BDP1: variants seen among roughly 807,000 people sequenced by gnomAD.
BDP1 encodes the protein BDP1 general transcription factor IIIB subunit.
Under a neutral mutation model 266.6 loss-of-function variants are expected in BDP1, and 169 were observed. The ratio of observed to expected loss-of-function variants is 0.63; its 90% CI spans 0.56 to 0.72. BDP1 has a LOEUF of 0.72. Ranked by LOEUF, BDP1 falls within the 30% of genes least tolerant of loss-of-function variation. The pLI is 0.00. For missense variants in BDP1, 3,015 were observed against 3,053.8 expected, an observed-to-expected ratio of 0.99 and a Z score of 0.30; for synonymous variants, 1,090 against 1,022.4, an observed-to-expected ratio of 1.07 and a Z score of -1.26.
chr5:71,553,331 T>C lies in BDP1; in HGVS notation c.7200+11T>C. On this transcript the variant is annotated intron_variant, in intron 35 of 38. Coordinates refer to ENST00000358731, the MANE Select transcript of BDP1 (RefSeq NM_018429.3). ...GAATATACCACTGAGGTAAGTGGTA[T>C]ATTAAGTACCACTCAATATGGCCAT... 1 of 1,589,682 alleles carries C rather than the reference T, an allele frequency of 6.3e-7. No homozygotes were observed. The highest frequency in any genetic ancestry group is 1.1e-5 in the South Asian group (1 of 90,082).
At chr5:71,573,228 A>C in the BDP1 span, among the ~76,000 whole-genome samples, 1 of 95,062 alleles carries the variant, frequency 1.1e-5, no homozygotes, top group Non-Finnish European at 2.2e-5. Flanking sequence ...ACTCTGTTTC[A>C]AAAAAAAAAA....
Position 71,567,635 on chromosome 5 carries a change from G to C in BDP1, c.*2750G>C, listed in dbSNP as rs1359129669. 2 of 152,538 alleles carry C rather than the reference G, an allele frequency of 1.3e-5. No homozygotes were observed. Among genetic ancestry groups the C allele is most frequent in the African/African-American group, 4.8e-5 (2 of 41,436 alleles). 9.4% of individuals were successfully genotyped at this position (152,538 alleles called of 1,614,324 possible). A position where few individuals can be genotyped will look rare whatever the true frequency, so the allele number is the denominator to read the frequency against. Reference sequence around the variant, plus strand: ...AATTGTTGGTAAATGGTTGAGGCATGACAAAAATATTAATATCCACTGTTT... The same window carrying C: ...AATTGTTGGTAAATGGTTGAGGCATCACAAAAATATTAATATCCACTGTTT... On this transcript the variant is annotated 3_prime_UTR_variant, in exon 39 of 39. Coordinates refer to ENST00000358731, the MANE Select transcript of BDP1 (RefSeq NM_018429.3).
downstream of BDP1, among the ~76,000 whole-genome samples, chr5:71,571,657 G>A (rs1485820462): frequency 2.6e-5 from 4 of 151,670 alleles, no homozygotes; most frequent in African/African-American, 7.3e-5. Flanking sequence ...TTTTTGAGAT[G>A]GAGTTTTGCT....
At chr5:71,557,665 G>A (rs1460242250) in intron 36 of BDP1, among the ~76,000 whole-genome samples, 1 of 49,080 alleles carries the variant, frequency 2.0e-5, no homozygotes, top group Non-Finnish European at 5.3e-5. Flanking sequence ...TAGAGACAGA[G>A]TTTGTATTTT....
intron 12 of BDP1, among the ~76,000 whole-genome samples, 152 bp from the exon 13 acceptor site, chr5:71,497,114 CAGAT>C (rs1763943476): frequency 1.3e-5 from 2 of 152,296 alleles, no homozygotes; most frequent in African/African-American, 2.4e-5. Context: ...TTTTTAATAT[CAGAT>C]AGAACAAGTT....
In BDP1 at chr5:71,504,732, G is replaced by T. The variant is rs201477835; in HGVS notation, c.2353G>T (p.Val785Phe). Residue 785 changes from valine (V) to phenylalanine (F), a missense_variant, in exon 16 of 39, where the codon GTT becomes TTT. By Grantham distance (50) the Val-to-Phe change is conservative. Transcript: ENST00000358731. ...AAATGTGCAGCCAGATGAGCCCAAG[G>T]TTCTTAATGAATGTCTAAGGTAAGC... Reference protein sequence around the residue: ...FQNVQPDEPKVLNECLSVQEN... With the variant: ...FQNVQPDEPKFLNECLSVQEN... The T allele has an allele frequency of 2.5e-6, 4 of 1,613,432 alleles. No individual in the cohort carries two copies. The highest frequency in any genetic ancestry group is 1.7e-5 in the Admixed American group (1 of 59,918).
intron 35 of BDP1, 26 bp from the exon 36 acceptor site, chr5:71,556,859 AT>A (rs752761743): frequency 1.4e-4 from 164 of 1,182,524 alleles, no homozygotes; most frequent in South Asian, 2.2e-4. Flanking sequence ...AAATTTCTAA[AT>A]TTTTTTTTAA....
intron 7 of BDP1, among the ~76,000 whole-genome samples, chr5:71,480,277 A>ATTTTTT (rs552593030): frequency 9.5e-6 from 1 of 105,014 alleles, no homozygotes. Context: ...TGCCCAGCTA[A>ATTTTTT]TTTTTTTTTT....
At chr5:71,488,803 G>A (rs778268454) in intron 9 of BDP1, among the ~76,000 whole-genome samples, 2 of 151,656 alleles carry the variant, frequency 1.3e-5, no homozygotes, top group African/African-American at 4.9e-5. Context: ...CGCCTCCCGT[G>A]TTCAAGTGAT....
At chr5:71,480,642 C>G (rs1269718043) in intron 7 of BDP1, among the ~76,000 whole-genome samples, 1 of 151,144 alleles carries the variant, frequency 6.6e-6, no homozygotes, top group Non-Finnish European at 1.5e-5. Flanking sequence ...TCTCAGCTCA[C>G]TGCAACCTCT....
rs1961760 is a variant in BDP1 at position 71,510,822 on chromosome 5, T to A, written c.3730T>A (p.Phe1244Ile). 0.48 allele frequency: 771,619 copies of A among 1,612,654 alleles called. 187,022 individuals are homozygous for A. The highest frequency in any genetic ancestry group is 0.55 in the South Asian group (50,106 of 90,950). The stretch of plus-strand genomic sequence containing the variant: ...CCAAAGGGAAAAGGTGCTAGCAGAG[T>A]TCAGTGCTATAAGGGAAAAGGAGAT... ...ISQREKVLAE[F>I]SAIREKEIDL... The change falls in exon 17 of 39, where the codon TTC (phenylalanine) becomes ATC (isoleucine). Residue 1244 changes from phenylalanine to isoleucine, a missense_variant. Around this residue, in one of 3 missense-constraint regions of BDP1, gnomAD observed 2,383 missense variants for 2,404.9 expected, o/e 0.99. Coordinates refer to ENST00000358731, the MANE Select transcript of BDP1 (RefSeq NM_018429.3).
intron 7 of BDP1, among the ~76,000 whole-genome samples, chr5:71,479,128 T>C (rs905401115): frequency 6.7e-4 from 101 of 151,592 alleles, no homozygotes; most frequent in African/African-American, 2.4e-3. Context: ...CTGCAAGCTC[T>C]GCCTCCCAGG....
intron 21 of BDP1, among the ~76,000 whole-genome samples, chr5:71,516,675 T>C (rs1280307718): frequency 6.6e-6 from 1 of 152,190 alleles, no homozygotes; most frequent in East Asian, 1.9e-4. Context: ...TTAAGTGGCT[T>C]TCTGGATCAA....
At chr5:71,560,385 A>G in intron 37 of BDP1, 148 bp downstream of exon 37, 1 of 876,726 alleles carries the variant, frequency 1.1e-6, no homozygotes, top group African/African-American at 1.7e-5. Context: ...TCAGCCAAGG[A>G]AATACAGTAA....
intron 32 of BDP1, 55 bp from the exon 33 acceptor site, chr5:71,548,625 CTT>C: frequency 9.2e-7 from 1 of 1,091,784 alleles, no homozygotes; most frequent in Non-Finnish European, 1.4e-6. Flanking sequence ...ACAGGAATAA[CTT>C]TTTAAATGTA....
At chr5:71,468,928 C>T (rs942599785) in intron 6 of BDP1, among the ~76,000 whole-genome samples, 2 of 152,012 alleles carry the variant, frequency 1.3e-5, no homozygotes, top group African/African-American at 2.4e-5. Context: ...ATTTCTAATG[C>T]GAATAATGTT....
In BDP1 at chr5:71,560,226, C is replaced by G. The variant is rs776705030; in HGVS notation, c.7485C>G (p.Ala2495=). 2.5e-6 allele frequency: 4 copies of G among 1,613,852 alleles called. No individual in the cohort carries two copies. In the African/African-American group the frequency reaches 5.3e-5, roughly 22 times the overall value. ...ATAGCAGAACATCGTCTTCTAAAGCCTCACTATCCAGGTATCATGAACAAA... is the reference window on the plus strand; with the variant it reads ...ATAGCAGAACATCGTCTTCTAAAGCGTCACTATCCAGGTATCATGAACAAA... ...QMDSRTSSSK[A]SLSRPGRRPL... The change falls in exon 37 of 39, where the codon GCC becomes GCG. Residue 2495 remains alanine (A), a synonymous_variant. Transcript: ENST00000358731.
intron 3 of BDP1, 31 bp downstream of exon 3, chr5:71,461,957 TC>T (rs1227965430): frequency 9.0e-5 from 63 of 703,332 alleles, no homozygotes; most frequent in Non-Finnish European, 1.2e-4. Flanking sequence ...CTTTACTATC[TC>T]TTTTTTTTTT....
At chr5:71,523,137 A>T (rs1765595358) in intron 24 of BDP1, among the ~76,000 whole-genome samples, 188 bp downstream of exon 24, 1 of 152,192 alleles carries the variant, frequency 6.6e-6, no homozygotes, top group South Asian at 2.1e-4. Flanking sequence ...AGTCACAAAC[A>T]CAAATAAAGA....
Sources: gnomAD v4.1 joint callset for allele counts (sites outside exome capture counted in the v4.1 genomes callset) on GRCh38, gnomAD v4.1.1 for gene constraint, gnomAD v4.1.1 regional missense constraint, MANE v1.5 for transcripts, NCBI Gene and HGNC (gene_info 2026-07-23, HGNC 2026-07-21) for gene names.